Variants in DOCK2 observed in about 807,000 individuals in gnomAD.
The protein encoded by DOCK2 is dedicator of cytokinesis 2.
In DOCK2, 87 loss-of-function variants were observed where a neutral mutation model predicts 248.9. The observed-to-expected ratio is 0.35, with a 90% CI of 0.29 to 0.42. DOCK2 has a LOEUF of 0.42. Ranked by LOEUF, DOCK2 falls within the 10% of genes least tolerant of loss-of-function variation. The pLI is 1.00. For missense variants in DOCK2, 1,747 were observed against 2,300.2 expected (o/e 0.76, Z 4.92); for synonymous variants, 805 against 821.6 (o/e 0.98, Z 0.35).
rs999438686 is a variant in DOCK2, at chr5:169,650,493, G to A, written c.44-3910G>A. Among the ~76,000 whole-genome samples the A allele has an allele frequency of 2.6e-5, 4 of 152,176 alleles. 1 individual carries two copies. In the South Asian group the frequency reaches 8.3e-4, roughly 32 times the overall value. ...TCTTTAGTTGTTTTTGTGAGCCACT[G>A]TGCTAGAACAATGGTGTTTACTTTC... On this transcript the variant is annotated intron_variant, in intron 1 of 51. Transcript: ENST00000520908.
At chr5:169,874,882 A>G (rs1167285086) in intron 27 of DOCK2, among the ~76,000 whole-genome samples, 1 of 142,052 alleles carries the variant, frequency 7.0e-6, no homozygotes, top group African/African-American at 3.0e-5. Flanking sequence ...TTCTCTTCTC[A>G]TTGGAAACAG....
At chr5:170,069,051 A>T (rs1350651360) in intron 45 of DOCK2, 86 bp from the exon 46 acceptor site, 1 of 1,252,130 alleles carries the variant, frequency 8.0e-7, no homozygotes, top group African/African-American at 1.5e-5. Flanking sequence ...GCCCCTTTCA[A>T]ATTGAATCTT....
At chr5:170,031,475 T>C (rs1756133528) in intron 34 of DOCK2, among the ~76,000 whole-genome samples, 1 of 152,200 alleles carries the variant, frequency 6.6e-6, no homozygotes, top group African/African-American at 2.4e-5. Flanking sequence ...TTCCACTGCG[T>C]GAGGAATTAC....
chr5:169,802,213 G>C (rs1457210100), intron 25 of DOCK2, among the ~76,000 whole-genome samples: 1 of 152,156 alleles, frequency 6.6e-6, no homozygotes, highest in Non-Finnish European at 1.5e-5. Context: ...CCAGGCTGGA[G>C]TGCAGTGGCA....
At chr5:169,950,028 C>A (rs527354366) in intron 27 of DOCK2, among the ~76,000 whole-genome samples, 1 of 152,190 alleles carries the variant, frequency 6.6e-6, no homozygotes, top group Non-Finnish European at 1.5e-5. Context: ...GAGGGGATCA[C>A]AGATGCTTCC....
chr5:169,827,867 AACAC>A (rs143420412), intron 26 of DOCK2, among the ~76,000 whole-genome samples: 1 of 150,458 alleles, frequency 6.6e-6, no homozygotes, highest in Non-Finnish European at 1.5e-5. Flanking sequence ...AAACATTAAA[AACAC>A]ACACACACAC....
At chr5:169,939,218 A>T (rs1270873277) in intron 27 of DOCK2, among the ~76,000 whole-genome samples, 79 of 136,414 alleles carry the variant, frequency 5.8e-4, no homozygotes, top group African/African-American at 1.6e-3. Flanking sequence ...TTTTTTTTTT[A>T]AACTTTTTAA....
chr5:170,048,046 A>C (rs542004586), intron 40 of DOCK2, among the ~76,000 whole-genome samples: 47 of 152,354 alleles, frequency 3.1e-4, no homozygotes, highest in African/African-American at 1.0e-3. Flanking sequence ...CATTTACTAC[A>C]TGAGAAATTA....
At chr5:169,959,171 T>A (rs2113740975) in intron 27 of DOCK2, among the ~76,000 whole-genome samples, 1 of 152,168 alleles carries the variant, frequency 6.6e-6, no homozygotes, top group Middle Eastern at 3.4e-3. Flanking sequence ...GGGGGGCGGA[T>A]CATGAGGTCA....
intron 10 of DOCK2, among the ~76,000 whole-genome samples, chr5:169,697,669 G>T (rs1293694476): frequency 2.0e-5 from 3 of 152,094 alleles, no homozygotes; most frequent in Non-Finnish European, 4.4e-5. Flanking sequence ...GCAGTCAGTG[G>T]TTGATTATTA....
At chr5:169,725,470 G>C (rs1762418556) in intron 22 of DOCK2, among the ~76,000 whole-genome samples, 1 of 151,072 alleles carries the variant, frequency 6.6e-6, no homozygotes, top group African/African-American at 2.4e-5. Context: ...ATATGCATGA[G>C]CTGTTTTTTC....
intron 23 of DOCK2, among the ~76,000 whole-genome samples, chr5:169,749,189 A>G (rs1338957085): frequency 6.6e-6 from 1 of 152,250 alleles, no homozygotes; most frequent in African/African-American, 2.4e-5. Context: ...GGTGGAAAGC[A>G]TCATTGGTTT....
chr5:169,909,836 C>G (rs971097300), intron 27 of DOCK2, among the ~76,000 whole-genome samples: 1 of 152,134 alleles, frequency 6.6e-6, no homozygotes, highest in Non-Finnish European at 1.5e-5. Context: ...AGTAGATAAA[C>G]AGTGGGAAAA....
At position 169,890,717 on chromosome 5, in the gene DOCK2, T is replaced by A. The variant is rs533966481; in HGVS notation, c.2799+49865T>A. Among the ~76,000 whole-genome samples the A allele has an allele frequency of 1.2e-4, 19 of 152,280 alleles. No homozygotes were observed. The South Asian group carries it at 3.7e-3, about 30-fold the overall frequency. The stretch of plus-strand genomic sequence containing the variant: ...TGAGGTTAAGATCCAGACTTATATA[T>A]TTGGGACCCTGAAAGATGTTGGATA... On this transcript the variant is annotated intron_variant, in intron 27 of 51. Transcript: ENST00000520908.
At chr5:169,688,227 C>T (rs1760093856) in intron 8 of DOCK2, among the ~76,000 whole-genome samples, 2 of 152,180 alleles carry the variant, frequency 1.3e-5, no homozygotes, top group South Asian at 4.1e-4. Flanking sequence ...TGCCCAGCCC[C>T]CTTGAATCTG....
At position 170,079,552 on chromosome 5, in the gene DOCK2, C is replaced by T. The variant is rs80043876; in HGVS notation, c.5166+406C>T. The T allele has an allele frequency of 6.4e-5, 12 of 188,848 alleles. No individual in the cohort carries two copies. The East Asian group carries it at 1.5e-3, about 23-fold the overall frequency. The allele number at this position is 188,848 out of a possible 1,614,324, so 11.7% of individuals were successfully genotyped here. On this transcript the variant is annotated intron_variant, in intron 49 of 51. Transcript: ENST00000520908. ...CACTGATGTCTCAGACCCCTGCAAGCCCCTCCTGTGTGCCAGGAGTCCAGG... is the reference window on the plus strand; with the variant it reads ...CACTGATGTCTCAGACCCCTGCAAGTCCCTCCTGTGTGCCAGGAGTCCAGG...
chr5:170,031,130 C>T (rs1449048789), intron 34 of DOCK2, among the ~76,000 whole-genome samples: 1 of 152,244 alleles, frequency 6.6e-6, no homozygotes, highest in African/African-American at 2.4e-5. Flanking sequence ...ATTCATAAGA[C>T]ACACCGCTGC....
chr5:169,686,558 A>G (rs1376748718), intron 8 of DOCK2, among the ~76,000 whole-genome samples: 2 of 152,194 alleles, frequency 1.3e-5, no homozygotes, highest in African/African-American at 4.8e-5. Context: ...GAAGAGGCAC[A>G]ATGCAGGAAG....
chr5:169,772,776 G>A (rs1765162504), intron 25 of DOCK2, among the ~76,000 whole-genome samples: 1 of 152,178 alleles, frequency 6.6e-6, no homozygotes, highest in South Asian at 2.1e-4. Context: ...ACTGTGTTGA[G>A]AAGTATTGAG....
Sources: allele counts gnomAD v4.1 joint callset (sites outside exome capture counted in the v4.1 genomes callset), GRCh38; gene constraint gnomAD v4.1.1; transcripts MANE v1.5; gene names NCBI Gene and HGNC (gene_info 2026-07-23, HGNC 2026-07-21).